Variants in DENND2B observed in about 807,000 individuals in gnomAD.
DENND2B encodes DENN domain containing 2B, also known as DENN domain-containing protein 2B.
A neutral mutation model predicts 116.0 loss-of-function variants in DENND2B; 32 were observed. The observed-to-expected ratio is 0.28, with a 90% CI of 0.21 to 0.37. The LOEUF (loss-of-function observed/expected upper bound fraction) is 0.37. DENND2B is among the 10% of genes least tolerant of loss of function. The probability of loss-of-function intolerance (pLI) is 1.00; values close to 1 mark genes in which losing one functional copy is unlikely to be tolerated. For missense variants in DENND2B, 1,276 were observed against 1,477.7 expected, an observed-to-expected ratio of 0.86 and a Z score of 2.24; for synonymous variants, 588 against 583.9, an observed-to-expected ratio of 1.01 and a Z score of -0.10.
Position 8,702,947 on chromosome 11 carries a change from C to T in DENND2B, c.2572-227G>A, listed in dbSNP as rs1592399461. The stretch of plus-strand genomic sequence containing the variant: ...TGGGCAAGAGGGCTGCCTGTGAAAG[C>T]GGGGAAGGCTCCAGAAGGAAGGAGT... On this transcript the variant is annotated intron_variant, in intron 13 of 19. Coordinates refer to ENST00000313726, the MANE Select transcript of DENND2B (RefSeq NM_213618.2). This position sits in a 1 kb window ranked among gnomAD's most constrained non-coding sequence, Gnocchi z 4.6. The T allele has an allele frequency of 2.5e-5, 14 of 554,776 alleles. No homozygotes were observed. In the East Asian group the frequency reaches 3.2e-4, roughly 13 times the overall value. The allele number at this position is 554,776 out of a possible 1,614,324, so 34.4% of individuals were successfully genotyped here.
rs536636895 is a variant in DENND2B, at chr11:8,699,594, T to A, written c.2721-204A>T. On this transcript the variant is annotated intron_variant, in intron 14 of 19. Transcript: ENST00000313726. ...CAACAATGCTACTCTCTTAGGGAAA[T>A]GTACCTGCAAACAGCCAGGAAGGTA... Among the ~76,000 whole-genome samples, 216 of 152,250 alleles carry A rather than the reference T, an allele frequency of 1.4e-3. 1 individual carries two copies. The highest frequency in any genetic ancestry group is 5.0e-3 in the African/African-American group (209 of 41,548).
intron 1 of DENND2B, among the ~76,000 whole-genome samples, chr11:8,801,052 C>A (rs1401250176): frequency 1.3e-5 from 2 of 151,034 alleles, no homozygotes; most frequent in African/African-American, 4.9e-5. Context: ...CTATCTAGAG[C>A]CGTCTATCTC....
At chr11:8,740,023 A>C (rs2049911597) in intron 2 of DENND2B, among the ~76,000 whole-genome samples, 1 of 149,276 alleles carries the variant, frequency 6.7e-6, no homozygotes, top group Non-Finnish European at 1.5e-5. Flanking sequence ...CTATCTCTAC[A>C]AAAAAAAAAT....
intron 1 of DENND2B, among the ~76,000 whole-genome samples, chr11:8,890,039 CA>C (rs961757019): frequency 6.6e-6 from 1 of 152,142 alleles, no homozygotes; most frequent in Admixed American, 6.6e-5. Flanking sequence ...TCCTCTGAGA[CA>C]AAACTTCCAG....
chr11:8,858,468 T>C (rs1401543878), intron 2 of DENND2B, among the ~76,000 whole-genome samples: 1 of 151,934 alleles, frequency 6.6e-6, no homozygotes, highest in Non-Finnish European at 1.5e-5. Flanking sequence ...CACACTCAAA[T>C]GAACTGGGTG....
At chr11:8,739,186 C>T (rs2049710932) in intron 2 of DENND2B, among the ~76,000 whole-genome samples, 1 of 152,216 alleles carries the variant, frequency 6.6e-6, no homozygotes. Flanking sequence ...CTGCAGACTT[C>T]CTCGCCTTTC....
chr11:8,773,750 C>G (rs2057261978), intron 1 of DENND2B, among the ~76,000 whole-genome samples: 1 of 152,122 alleles, frequency 6.6e-6, no homozygotes, highest in African/African-American at 2.4e-5. Flanking sequence ...CATTCCAAAT[C>G]TGTTCCCCAC....
At chr11:8,743,387 T>C (rs978362551) in intron 2 of DENND2B, among the ~76,000 whole-genome samples, 5 of 151,506 alleles carry the variant, frequency 3.3e-5, no homozygotes, top group African/African-American at 1.2e-4. Flanking sequence ...CCGTCTCTAC[T>C]AAAAATGCAA....
chr11:8,737,455 A>G (rs566324435), intron 2 of DENND2B, among the ~76,000 whole-genome samples: 3 of 152,342 alleles, frequency 2.0e-5, no homozygotes, highest in East Asian at 3.9e-4. Context: ...AAATGATTTG[A>G]AACATGGAGG....
At chr11:8,698,833 CAGAG>C (rs2040936812) in intron 16 of DENND2B, 96 bp downstream of exon 16, 1 of 1,428,542 alleles carries the variant, frequency 7.0e-7, no homozygotes, top group East Asian at 2.3e-5. Context: ...GTACTGAACC[CAGAG>C]AGAGAGCTCA....
At chr11:8,696,897 C>A (rs2040458080) in intron 17 of DENND2B, among the ~76,000 whole-genome samples, 2 of 152,212 alleles carry the variant, frequency 1.3e-5, no homozygotes, top group African/African-American at 4.8e-5. Flanking sequence ...AATTCTCCTG[C>A]CTCAGCCTCC....
At chr11:8,714,172 A>G in intron 7 of DENND2B, 130 bp from the exon 8 acceptor site, 1 of 889,996 alleles carries the variant, frequency 1.1e-6, no homozygotes, top group South Asian at 1.5e-5. Flanking sequence ...GCCCATGGTC[A>G]GGCATCTGCA....
intron 3 of DENND2B, among the ~76,000 whole-genome samples, chr11:8,727,197 A>G (rs1217015833): frequency 6.6e-6 from 1 of 152,160 alleles, no homozygotes; most frequent in East Asian, 1.9e-4. Context: ...CCTCCCACCC[A>G]TGAACACCTC....
chr11:8,707,657 G>A lies in DENND2B; in HGVS notation c.2430+120C>T. On this transcript the variant is annotated intron_variant, in intron 12 of 19. Transcript: ENST00000313726. The surrounding 1 kb of genome is among the most constrained non-coding windows in gnomAD (Gnocchi z 4.8). ...AGAGAGCTCACTGGTACTTGTTCCT[G>A]CATTCTGTCTCCCGCTCGCTCACAG... 2 of 950,996 alleles carry A rather than the reference G, an allele frequency of 2.1e-6. No homozygotes were observed. Among genetic ancestry groups the A allele is most frequent in the Non-Finnish European group, 1.6e-6 (1 of 632,704 alleles). The allele number at this position is 950,996 out of a possible 1,614,324, so 58.9% of individuals were successfully genotyped here. A position where few individuals can be genotyped will look rare whatever the true frequency, so the allele number is the denominator to read the frequency against.
intron 1 of DENND2B, among the ~76,000 whole-genome samples, chr11:8,777,481 T>C (rs554036787): frequency 1.3e-5 from 2 of 152,218 alleles, no homozygotes; most frequent in Non-Finnish European, 1.5e-5. Flanking sequence ...GGTATTCATA[T>C]GGACCAAAGG....
chr11:8,718,096 A>AACCCCCCCCCCCCCCCCCCC, intron 4 of DENND2B: 3 of 65,004 alleles, frequency 4.6e-5, no homozygotes, highest in Admixed American at 2.4e-4. Flanking sequence ...AAGCAGACCC[A>AACCCCCCCCCCCCCCCCCCC]CCCCCCCACC....
intron 2 of DENND2B, among the ~76,000 whole-genome samples, chr11:8,867,636 T>G (rs1431320195): frequency 2.2e-5 from 3 of 135,458 alleles, no homozygotes; most frequent in African/African-American, 7.9e-5. Context: ...TGCAGTGCAG[T>G]GGCATGATCA....
intron 1 of DENND2B, among the ~76,000 whole-genome samples, chr11:8,779,959 G>A (rs2058208450): frequency 6.6e-6 from 1 of 152,172 alleles, no homozygotes; most frequent in Admixed American, 6.5e-5. Flanking sequence ...CAAGCTTCAG[G>A]CTCCCCCAGG....
intron 6 of DENND2B, among the ~76,000 whole-genome samples, chr11:8,715,247 A>G (rs1297744191): frequency 6.6e-6 from 1 of 152,140 alleles, no homozygotes; most frequent in Non-Finnish European, 1.5e-5. Context: ...AAATTCTTCA[A>G]TGCTGAGAGT....
Sources: allele counts gnomAD v4.1 joint callset (sites outside exome capture counted in the v4.1 genomes callset), GRCh38; gene constraint gnomAD v4.1.1; non-coding constraint Gnocchi (gnomAD v3.1); transcripts MANE v1.5; gene names NCBI Gene and HGNC (gene_info 2026-07-23, HGNC 2026-07-21).